The following NPSR1 variants were observed in gnomAD, a reference collection of about 807,000 sequenced individuals.
NPSR1 encodes the protein neuropeptide S receptor 1, also known as neuropeptide S receptor.
In NPSR1, 48 loss-of-function variants were observed where a neutral mutation model predicts 46.9. The observed-to-expected ratio is 1.02, with a 90% CI of 0.81 to 1.30. The LOEUF is 1.30. Ranked by LOEUF, NPSR1 falls within the 50% of genes most tolerant of loss-of-function variation. The probability of loss-of-function intolerance (pLI) is 0.00; values close to 1 mark genes in which losing one functional copy is unlikely to be tolerated. For synonymous variants in NPSR1, 176 were observed against 168.1 expected (o/e 1.05, Z -0.36); for missense variants, 450 against 449.5 (o/e 1.00, Z -0.01).
At chr7:34,678,121 G>T (rs1207356951) in intron 1 of NPSR1, among the ~76,000 whole-genome samples, 1 of 146,120 alleles carries the variant, frequency 6.8e-6, no homozygotes, top group Non-Finnish European at 1.5e-5. Flanking sequence ...GTTCAACAGA[G>T]ACCAATACAG....
At chr7:34,685,299 A>C (rs1454341249) in intron 2 of NPSR1, among the ~76,000 whole-genome samples, 1 of 152,184 alleles carries the variant, frequency 6.6e-6, no homozygotes, top group African/African-American at 2.4e-5. Flanking sequence ...GATCTGTGAA[A>C]GTTAGGGCCC....
intron 3 of NPSR1, among the ~76,000 whole-genome samples, chr7:34,779,051 A>G (rs1256902878): frequency 6.6e-6 from 1 of 151,960 alleles, no homozygotes; most frequent in Non-Finnish European, 1.5e-5. Context: ...CAAATTTCCT[A>G]TTTTCCTTTT....
intron 2 of NPSR1, among the ~76,000 whole-genome samples, chr7:34,715,657 T>C (rs889450435): frequency 6.6e-6 from 1 of 152,230 alleles, no homozygotes; most frequent in Non-Finnish European, 1.5e-5. Flanking sequence ...CGTGTTGAGA[T>C]GGTAGAGTCC....
chr7:34,852,240 C>A (rs1473056673), downstream of NPSR1, among the ~76,000 whole-genome samples: 1 of 152,000 alleles, frequency 6.6e-6, no homozygotes, highest in African/African-American at 2.4e-5. Flanking sequence ...GCGGAGCTTG[C>A]AGTGAGCCGA....
intron 1 of NPSR1, 41 bp downstream of exon 1, chr7:34,658,600 A>G: frequency 6.3e-7 from 1 of 1,578,034 alleles, no homozygotes; most frequent in South Asian, 1.1e-5. Context: ...GACTTATAAC[A>G]ATGAGACTGC....
At chr7:34,810,810 A>G (rs144076704) in intron 3 of NPSR1, among the ~76,000 whole-genome samples, 68 of 152,308 alleles carry the variant, frequency 4.5e-4, no homozygotes, top group African/African-American at 1.6e-3. Context: ...GAACTGAAGC[A>G]TTGTCACTCA....
intron 1 of NPSR1, among the ~76,000 whole-genome samples, chr7:34,663,628 C>T (rs1389894505): frequency 6.6e-6 from 1 of 152,194 alleles, no homozygotes. Flanking sequence ...CCAATACCCT[C>T]TTGTCATTGT....
intron 1 of NPSR1, among the ~76,000 whole-genome samples, chr7:34,659,521 C>T (rs1393502153): frequency 6.6e-6 from 1 of 152,174 alleles, no homozygotes; most frequent in Non-Finnish European, 1.5e-5. Context: ...CATCCACCTC[C>T]CTACTGGAAG....
rs114031645 is a variant in NPSR1, at chr7:34,706,166, T to G, written c.280+21482T>G. 5.3e-3 allele frequency among the ~76,000 whole-genome samples: 813 copies of G among 152,162 alleles called. 4 individuals are homozygous for G. Among genetic ancestry groups the G allele is most frequent in the African/African-American group, 0.017 (698 of 41,506 alleles). On this transcript the variant is annotated intron_variant, in intron 2 of 8. Coordinates refer to ENST00000360581, the MANE Select transcript of NPSR1 (RefSeq NM_207172.2). Reference sequence around the variant, plus strand: ...TGATAGGTTATCCAATTTTGTCTTTTGTTTCTGATTTTTTTTTTTTTAGAT... The same window carrying G: ...TGATAGGTTATCCAATTTTGTCTTTGGTTTCTGATTTTTTTTTTTTTAGAT...
At chr7:34,718,875 C>G (rs1783706069) in intron 2 of NPSR1, 1 of 152,128 alleles carries the variant, frequency 6.6e-6, no homozygotes, top group African/African-American at 2.4e-5. Context: ...ATGGAGAGTA[C>G]CTTATTTAAT....
intron 3 of NPSR1, among the ~76,000 whole-genome samples, chr7:34,788,901 T>A (rs1787593310): frequency 6.6e-6 from 1 of 152,040 alleles, no homozygotes; most frequent in African/African-American, 2.4e-5. Flanking sequence ...AATCATAGAG[T>A]AAGCCACAAA....
intron 4 of NPSR1, among the ~76,000 whole-genome samples, chr7:34,825,156 C>T (rs1032535073): frequency 1.3e-5 from 2 of 152,112 alleles, no homozygotes; most frequent in Non-Finnish European, 1.5e-5. Context: ...CGTTCTAGAC[C>T]ACCTCCAGGC....
At chr7:34,811,325 C>G (rs1261636335) in intron 3 of NPSR1, among the ~76,000 whole-genome samples, 3 of 152,052 alleles carry the variant, frequency 2.0e-5, no homozygotes, top group Non-Finnish European at 2.9e-5. Context: ...CAGGGCCATT[C>G]TCCTGTCTGA....
At chr7:34,677,759 A>G (rs1454326778) in intron 1 of NPSR1, among the ~76,000 whole-genome samples, 1 of 152,202 alleles carries the variant, frequency 6.6e-6, no homozygotes, top group Non-Finnish European at 1.5e-5. Context: ...GAGTCCATCC[A>G]CTGAGGCTGG....
In NPSR1 at chr7:34,843,073, T is replaced by C. The variant is rs180724719; in HGVS notation, c.758-1823T>C. Among the ~76,000 whole-genome samples, 889 of 152,350 alleles carry C rather than the reference T, an allele frequency of 5.8e-3. 9 individuals are homozygous for C. The highest frequency in any genetic ancestry group is 8.8e-3 in the Admixed American group (135 of 15,306). The stretch of plus-strand genomic sequence containing the variant: ...TCCTTCTTATGTCATTTGAGTTCAC[T>C]TGATGCTCTCTGCATCTCCCACACA... On this transcript the variant is annotated intron_variant, in intron 6 of 8. Transcript: ENST00000360581.
At chr7:34,683,738 C>T (rs1303768143) in intron 1 of NPSR1, among the ~76,000 whole-genome samples, 1 of 152,088 alleles carries the variant, frequency 6.6e-6, no homozygotes, top group Non-Finnish European at 1.5e-5. Flanking sequence ...TAACCCACTC[C>T]TGCAATAACT....
intron 3 of NPSR1, among the ~76,000 whole-genome samples, chr7:34,791,227 ATAT>A (rs1451327597): frequency 3.1e-5 from 3 of 95,618 alleles, no homozygotes; most frequent in African/African-American, 4.6e-5. Flanking sequence ...TATATGTTAT[ATAT>A]TATATTATAT....
chr7:34,707,215 T>G (rs1310185168), intron 2 of NPSR1, among the ~76,000 whole-genome samples: 1 of 152,350 alleles, frequency 6.6e-6, no homozygotes, highest in East Asian at 1.9e-4. Flanking sequence ...CCATGATCTT[T>G]AGGAAGCCAG....
At chr7:34,686,224 T>G (rs551641041) in intron 2 of NPSR1, 1 of 152,530 alleles carries the variant, frequency 6.6e-6, no homozygotes, top group South Asian at 2.1e-4. Context: ...CTGGGCTTAA[T>G]TTCATGTACA....
Sources: gnomAD v4.1 joint callset for allele counts (sites outside exome capture counted in the v4.1 genomes callset) on GRCh38, gnomAD v4.1.1 for gene constraint, MANE v1.5 for transcripts, NCBI Gene and HGNC (gene_info 2026-07-23, HGNC 2026-07-21) for gene names.